Variants in ANKS1B observed in about 807,000 individuals in gnomAD.
ANKS1B encodes ankyrin repeat and sterile alpha motif domain-containing protein 1B.
A neutral mutation model predicts 148.3 loss-of-function variants in ANKS1B; 36 were observed. The ratio of observed to expected loss-of-function variants is 0.24; its 90% CI spans 0.19 to 0.32. ANKS1B has a LOEUF of 0.32. ANKS1B is among the 10% of genes least tolerant of loss of function. The pLI, the probability that ANKS1B is intolerant of heterozygous loss-of-function variation, is 1.00. For synonymous variants in ANKS1B, 542 were observed against 560.8 expected (o/e 0.97, Z 0.47); for missense variants, 1,157 against 1,542.6 (o/e 0.75, Z 4.19).
At chr12:99,787,850 T>C (rs2065173316) in intron 4 of ANKS1B, among the ~76,000 whole-genome samples, 1 of 152,188 alleles carries the variant, frequency 6.6e-6, no homozygotes. Context: ...GAACTTTACA[T>C]TGAACTCAGT....
chr12:99,165,620 A>G (rs2077117574), intron 14 of ANKS1B, among the ~76,000 whole-genome samples: 1 of 151,922 alleles, frequency 6.6e-6, no homozygotes, highest in South Asian at 2.1e-4. Flanking sequence ...AAGTAATTGT[A>G]TTTGCAGTTA....
At chr12:99,081,638 A>G (rs2049816359) in intron 16 of ANKS1B, among the ~76,000 whole-genome samples, 1 of 152,180 alleles carries the variant, frequency 6.6e-6, no homozygotes, top group African/African-American at 2.4e-5. Context: ...GCTCTTCTGC[A>G]TCAGCCTCTC....
At chr12:99,305,492 TG>T (rs1433153140) in intron 12 of ANKS1B, among the ~76,000 whole-genome samples, 2 of 152,064 alleles carry the variant, frequency 1.3e-5, no homozygotes, top group African/African-American at 4.8e-5. Context: ...TAGAGGATTG[TG>T]GGAATATTTT....
intron 9 of ANKS1B, among the ~76,000 whole-genome samples, chr12:99,512,475 T>C (rs2096776586): frequency 6.6e-6 from 1 of 152,066 alleles, no homozygotes. Flanking sequence ...AGTTCAACCA[T>C]TGTGGAAGAT....
intron 1 of ANKS1B, among the ~76,000 whole-genome samples, chr12:99,982,323 A>G (rs2095714058): frequency 8.2e-6 from 1 of 122,098 alleles, no homozygotes; most frequent in Non-Finnish European, 1.7e-5. Context: ...AAAACTTGAC[A>G]TCTATTCTTT....
intron 1 of ANKS1B, among the ~76,000 whole-genome samples, chr12:99,895,276 C>T (rs1188412922): frequency 2.0e-5 from 3 of 150,112 alleles, no homozygotes; most frequent in African/African-American, 7.3e-5. Context: ...ATGTATTAGT[C>T]AGGGTTCTCC....
intron 14 of ANKS1B, among the ~76,000 whole-genome samples, chr12:99,179,847 C>T (rs2078910893): frequency 6.6e-6 from 1 of 152,142 alleles, no homozygotes; most frequent in Non-Finnish European, 1.5e-5. Flanking sequence ...ATTATAATAT[C>T]ACTGTGACTA....
chr12:99,669,667 G>C (rs1383453233), intron 8 of ANKS1B, among the ~76,000 whole-genome samples: 2 of 151,956 alleles, frequency 1.3e-5, no homozygotes, highest in Non-Finnish European at 2.9e-5. Context: ...TTCTTTTTCT[G>C]TCTTCATGAA....
intron 8 of ANKS1B, among the ~76,000 whole-genome samples, chr12:99,754,044 T>G (rs1044060300): frequency 6.6e-6 from 1 of 151,306 alleles, no homozygotes; most frequent in African/African-American, 2.4e-5. Flanking sequence ...TAAAATAAAA[T>G]AAAAGACACA....
At position 99,643,726 on chromosome 12, in the gene ANKS1B, G is replaced by A. The variant is rs1280633638; in HGVS notation, c.1272+11341C>T. Among the ~76,000 whole-genome samples the A allele has an allele frequency of 8.5e-5, 13 of 152,284 alleles. No individual in the cohort carries two copies. In the East Asian group the frequency reaches 1.5e-3, roughly 18 times the overall value. ...CTAATAAACCATTCATGAAAACACTGTGGGTCTCCCAGGTATGTCACAAGA... is the reference window on the plus strand; with the variant it reads ...CTAATAAACCATTCATGAAAACACTATGGGTCTCCCAGGTATGTCACAAGA... On this transcript the variant is annotated intron_variant, in intron 9 of 26. Coordinates refer to ENST00000683438, the MANE Select transcript of ANKS1B (RefSeq NM_001352186.2).
intron 14 of ANKS1B, among the ~76,000 whole-genome samples, chr12:99,221,560 G>A (rs1318476415): frequency 5.3e-5 from 8 of 151,930 alleles, no homozygotes; most frequent in Non-Finnish European, 1.2e-4. Flanking sequence ...TCAGAGAAAA[G>A]GAAATACAAA....
rs58248573 is a variant in ANKS1B, at chr12:99,805,263, C to CAAAAAAAAAAAAAAA, written c.669+1126_669+1140dup. 7.3e-4 allele frequency among the ~76,000 whole-genome samples: 21 copies of CAAAAAAAAAAAAAAA among 28,918 alleles called. 2 individuals carry two copies. The highest frequency in any genetic ancestry group is 8.1e-4 in the Non-Finnish European group (14 of 17,276). 19.0% of individuals were successfully genotyped at this position (28,918 alleles called of 152,430 possible). On this transcript the variant is annotated intron_variant, in intron 4 of 26. Transcript: ENST00000683438. The stretch of plus-strand genomic sequence containing the variant: ...AAATAACCATGAAAGGAGGAAAAGG[C>CAAAAAAAAAAAAAAA]AAAAAAAAAAAAAAAAAAAAAAAAA...
intron 17 of ANKS1B, among the ~76,000 whole-genome samples, chr12:98,984,561 C>G (rs2099922134): frequency 6.6e-6 from 1 of 152,232 alleles, no homozygotes; most frequent in Non-Finnish European, 1.5e-5. Flanking sequence ...CTGCTTTCCA[C>G]ATAACTGCAA....
intron 9 of ANKS1B, among the ~76,000 whole-genome samples, chr12:98,736,664 A>G (rs764762685): frequency 2.6e-5 from 4 of 151,888 alleles, no homozygotes; most frequent in Non-Finnish European, 4.4e-5. Context: ...TAGAAAAGAC[A>G]GGGGGCCCCA....
chr12:99,427,813 G>T (rs1352621741), intron 11 of ANKS1B, among the ~76,000 whole-genome samples: 1 of 152,122 alleles, frequency 6.6e-6, no homozygotes, highest in East Asian at 1.9e-4. Flanking sequence ...GCTGGTGCTT[G>T]GATCCTACCT....
At chr12:99,035,643 T>TA (rs2099955054) in intron 17 of ANKS1B, among the ~76,000 whole-genome samples, 1 of 152,088 alleles carries the variant, frequency 6.6e-6, no homozygotes, top group Non-Finnish European at 1.5e-5. Flanking sequence ...AGCAAACCTT[T>TA]AGAGGGCCAA....
intron 9 of ANKS1B, among the ~76,000 whole-genome samples, chr12:99,558,247 G>A (rs1282197686): frequency 6.6e-6 from 1 of 152,160 alleles, no homozygotes; most frequent in Admixed American, 6.5e-5. Flanking sequence ...GCAGGGGCAA[G>A]GCATTGGCAG....
At chr12:98,964,350 G>A (rs766147104) in intron 17 of ANKS1B, among the ~76,000 whole-genome samples, 5 of 152,214 alleles carry the variant, frequency 3.3e-5, no homozygotes, top group Non-Finnish European at 5.9e-5. Flanking sequence ...CTGTTGGTGG[G>A]AATGTAAGTT....
chr12:99,078,266 T>C (rs2048486403), intron 16 of ANKS1B, among the ~76,000 whole-genome samples: 1 of 152,208 alleles, frequency 6.6e-6, no homozygotes, highest in African/African-American at 2.4e-5. Context: ...TTCTTCAAGT[T>C]TTGTCCAATA....
Sources: allele counts gnomAD v4.1 joint callset (sites outside exome capture counted in the v4.1 genomes callset), GRCh38; gene constraint gnomAD v4.1.1; transcripts MANE v1.5; gene names NCBI Gene and HGNC (gene_info 2026-07-23, HGNC 2026-07-21).